The following BICDL1 variants were observed in gnomAD, a reference collection of about 807,000 sequenced individuals.
BICDL1 encodes the protein BICD family-like cargo adapter 1.
BICDL1 carries 20 observed loss-of-function variants against 76.8 expected under a neutral mutation model. The ratio of observed to expected loss-of-function variants is 0.26; its 90% confidence interval spans 0.18 to 0.38. The LOEUF (loss-of-function observed/expected upper bound fraction) is 0.38, where lower values mean the gene tolerates loss of function less well. Ranked by LOEUF, BICDL1 falls within the 10% of genes least tolerant of loss-of-function variation. The pLI is 1.00. For missense variants in BICDL1, 700 were observed against 798.6 expected (o/e 0.88, Z 1.49); for synonymous variants, 383 against 337.1 (o/e 1.14, Z -1.49).
chr12:120,081,702 G>C (rs1192419151), intron 8 of BICDL1, among the ~76,000 whole-genome samples: 2 of 148,404 alleles, frequency 1.3e-5, no homozygotes, highest in East Asian at 3.9e-4. Flanking sequence ...TAGTTTTTTT[G>C]TTGTTTGTTT....
At chr12:120,035,260 C>A (rs548676142) in intron 2 of BICDL1, among the ~76,000 whole-genome samples, 1 of 152,094 alleles carries the variant, frequency 6.6e-6, no homozygotes, top group African/African-American at 2.4e-5. Context: ...TGCTGGAACC[C>A]GGGAGGTGGA....
At chr12:119,999,702 C>A in intron 2 of BICDL1, 1 of 387,618 alleles carries the variant, frequency 2.6e-6, no homozygotes, top group East Asian at 7.7e-5. Context: ...CAGAACATAC[C>A]TTTTAAACAA....
intron 2 of BICDL1, among the ~76,000 whole-genome samples, chr12:119,999,083 A>AT (rs1951709905): frequency 1.3e-5 from 2 of 150,500 alleles, no homozygotes; most frequent in Middle Eastern, 3.4e-3. Flanking sequence ...AAAAAAAAAA[A>AT]GTTGAAATAG....
intron 6 of BICDL1, among the ~76,000 whole-genome samples, chr12:120,073,223 G>A (rs1594200683): frequency 6.6e-6 from 1 of 152,198 alleles, no homozygotes; most frequent in Non-Finnish European, 1.5e-5. Context: ...AGGCAGAGGG[G>A]CCAAGTGTCA....
intron 2 of BICDL1, among the ~76,000 whole-genome samples, chr12:120,025,036 T>C (rs1040007177): frequency 3.3e-5 from 5 of 149,998 alleles, no homozygotes; most frequent in Non-Finnish European, 5.9e-5. Context: ...GTGTGTGATA[T>C]TATACTTTCT....
At chr12:120,021,220 G>A (rs1428420843) in intron 2 of BICDL1, among the ~76,000 whole-genome samples, 1 of 151,822 alleles carries the variant, frequency 6.6e-6, no homozygotes, top group Non-Finnish European at 1.5e-5. Flanking sequence ...GAAGGCAGAG[G>A]TTACAGTGAG....
intron 8 of BICDL1, among the ~76,000 whole-genome samples, chr12:120,081,285 A>C (rs1429095694): frequency 6.6e-6 from 1 of 150,506 alleles, no homozygotes; most frequent in Non-Finnish European, 1.5e-5. Flanking sequence ...ATGTGTTTTT[A>C]GACATCAATA....
chr12:120,091,244 T>A lies in BICDL1; in HGVS notation c.1704+1173T>A, dbSNP rs902584913. Reference sequence around the variant, plus strand: ...GCTAACGGCTGGTGCCGTCTTCTCATAGATGGCTGTTCCATCCACTGAGGG... The same window carrying A: ...GCTAACGGCTGGTGCCGTCTTCTCAAAGATGGCTGTTCCATCCACTGAGGG... On this transcript the variant is annotated intron_variant, in intron 9 of 9. Coordinates refer to ENST00000548673, the MANE Select transcript of BICDL1 (RefSeq NM_001367886.1). 13 of 1,153,664 alleles carry A rather than the reference T, an allele frequency of 1.1e-5. No individual in the cohort carries two copies. In the Admixed American group the frequency reaches 2.0e-4, roughly 17 times the overall value. The allele number at this position is 1,153,664 out of a possible 1,614,324, so 71.5% of individuals were successfully genotyped here.
At chr12:119,996,153 A>C (rs1311568336) in intron 1 of BICDL1, among the ~76,000 whole-genome samples, 1 of 152,140 alleles carries the variant, frequency 6.6e-6, no homozygotes, top group Non-Finnish European at 1.5e-5. Context: ...GATACACTCG[A>C]GTGGCTATCT....
intron 2 of BICDL1, among the ~76,000 whole-genome samples, chr12:119,999,063 A>G (rs756276898): frequency 1.7e-4 from 11 of 66,452 alleles, no homozygotes; most frequent in Middle Eastern, 0.012. Context: ...CCTGTCTCGG[A>G]AAAAAAAAAA....
intron 2 of BICDL1, among the ~76,000 whole-genome samples, chr12:120,008,633 C>T (rs192064004): frequency 6.6e-6 from 1 of 152,118 alleles, no homozygotes; most frequent in Non-Finnish European, 1.5e-5. Context: ...GTATTTCTAT[C>T]TCATTGATTT....
At chr12:119,991,966 A>T (rs577046802) in intron 1 of BICDL1, among the ~76,000 whole-genome samples, 23 of 152,342 alleles carry the variant, frequency 1.5e-4, no homozygotes, top group Admixed American at 3.9e-4. Flanking sequence ...ACTATTTTTT[A>T]AAACCTTCAT....
At chr12:120,027,432 T>C (rs1480614041) in intron 2 of BICDL1, among the ~76,000 whole-genome samples, 1 of 152,202 alleles carries the variant, frequency 6.6e-6, no homozygotes, top group African/African-American at 2.4e-5. Context: ...CATTTTTTAA[T>C]ATATTAAATC....
chr12:120,055,438 T>G (rs1952953203), intron 2 of BICDL1, among the ~76,000 whole-genome samples: 1 of 152,206 alleles, frequency 6.6e-6, no homozygotes, highest in Middle Eastern at 3.2e-3. Flanking sequence ...TGAAACAGCT[T>G]TGTTCAGTGG....
intron 2 of BICDL1, among the ~76,000 whole-genome samples, chr12:120,021,610 A>AG (rs1952183634): frequency 7.0e-6 from 1 of 143,108 alleles, no homozygotes; most frequent in Non-Finnish European, 1.5e-5. Flanking sequence ...AAAAAAAAAA[A>AG]GAGAATCAGC....
intron 2 of BICDL1, among the ~76,000 whole-genome samples, chr12:120,039,402 G>A (rs1952590063): frequency 6.6e-6 from 1 of 151,560 alleles, no homozygotes; most frequent in Non-Finnish European, 1.5e-5. Context: ...CACTTTGGGA[G>A]GCCAAGGTGG....
At chr12:120,044,537 T>G (rs903576634) in intron 2 of BICDL1, among the ~76,000 whole-genome samples, 1 of 152,206 alleles carries the variant, frequency 6.6e-6, no homozygotes, top group Non-Finnish European at 1.5e-5. Context: ...AGCCTTCCTG[T>G]TTATTACGAA....
chr12:120,090,478 T>G (rs925573752), intron 9 of BICDL1, among the ~76,000 whole-genome samples: 4 of 152,100 alleles, frequency 2.6e-5, no homozygotes, highest in Non-Finnish European at 5.9e-5. Flanking sequence ...CTTCCCCTTC[T>G]CAAGGGCCAG....
Position 120,092,602 on chromosome 12 carries a change from TG to T in BICDL1, c.1705-393del, listed in dbSNP as rs1293530157. On this transcript the variant is annotated intron_variant, in intron 9 of 9. Coordinates refer to ENST00000548673, the MANE Select transcript of BICDL1 (RefSeq NM_001367886.1). ...AGGTGGCCCTAGGGCCTGCCGGGGC[TG>T]GGGGTGGCAAGCCAAACCGGAGGCA... 6.1e-6 allele frequency: 6 copies of T among 985,214 alleles called. No individual in the cohort carries two copies. In the African/African-American group the frequency reaches 1.0e-4, roughly 17 times the overall value. The allele number at this position is 985,214 out of a possible 1,614,324, so 61.0% of individuals were successfully genotyped here.
Sources: gnomAD v4.1 joint callset for allele counts (sites outside exome capture counted in the v4.1 genomes callset) on GRCh38, gnomAD v4.1.1 for gene constraint, MANE v1.5 for transcripts, NCBI Gene and HGNC (gene_info 2026-07-23, HGNC 2026-07-21) for gene names.